NEBL: variants seen among roughly 807,000 people sequenced by gnomAD.
NEBL encodes the protein LIM and SH3 protein 2.
A neutral mutation model predicts 140.2 loss-of-function variants in NEBL; 122 were observed. The ratio of observed to expected loss-of-function variants is 0.87; its 90% CI spans 0.75 to 1.01. The LOEUF is 1.01. Among genes scored for constraint, NEBL ranks in the 50% least tolerant of loss-of-function variants. The probability of loss-of-function intolerance (pLI) is 0.00; values close to 1 mark genes in which losing one functional copy is unlikely to be tolerated. For synonymous variants in NEBL, 436 were observed against 398.9 expected, an observed-to-expected ratio of 1.09 and a Z score of -1.11; for missense variants, 1,365 against 1,231.3, an observed-to-expected ratio of 1.11 and a Z score of -1.62.
intron 1 of NEBL, among the ~76,000 whole-genome samples, chr10:21,258,214 G>A (rs563937594): frequency 6.6e-6 from 1 of 152,258 alleles, no homozygotes; most frequent in East Asian, 1.9e-4. Context: ...CTGGAGCCCA[G>A]ATGTTCACAA....
At position 21,027,964 on chromosome 10, in the gene NEBL, G is replaced by A. The variant is rs1222709149; in HGVS notation, c.165-7763C>T. Reference sequence around the variant, plus strand: ...AGGCCAAGTGCAGTGGCTCACACCTGTAATCCCAGCACTTTGGGAGGCCAA... The same window carrying A: ...AGGCCAAGTGCAGTGGCTCACACCTATAATCCCAGCACTTTGGGAGGCCAA... On this transcript the variant is annotated intron_variant, in intron 2 of 6. Coordinates refer to the NEBL transcript ENST00000417816. Among the ~76,000 whole-genome samples the A allele has an allele frequency of 3.3e-5, 5 of 152,138 alleles. No individual in the cohort carries two copies. The South Asian group carries it at 6.2e-4, about 19-fold the overall frequency.
rs1279132948 is a variant in NEBL, at chr10:20,784,478, A to G, written c.*1269T>C. ...ATGACATTCCTGTTTCATTCCCTTA[A>G]AAATGATTTAGAAAATAAAAGCAAA... On this transcript the variant is annotated 3_prime_UTR_variant, in exon 28 of 28. Transcript: ENST00000377122. 6.6e-6 allele frequency: 1 copy of G among 152,188 alleles called. No homozygotes were observed. The highest frequency in any genetic ancestry group is 1.5e-5 in the Non-Finnish European group (1 of 68,038). 9.4% of individuals were successfully genotyped at this position (152,188 alleles called of 1,614,324 possible).
At chr10:20,892,063 C>T (rs889062168) in intron 2 of NEBL, among the ~76,000 whole-genome samples, 1 of 152,162 alleles carries the variant, frequency 6.6e-6, no homozygotes, top group African/African-American at 2.4e-5. Context: ...CTTACAATTT[C>T]GGGTTGACAC....
chr10:20,905,493 T>A (rs907491761), intron 4 of NEBL, among the ~76,000 whole-genome samples: 9 of 152,096 alleles, frequency 5.9e-5, no homozygotes, highest in African/African-American at 2.2e-4. Flanking sequence ...TCAGATCTCA[T>A]GAGAACTCAC....
chr10:21,045,636 A>C (rs1834475725), intron 2 of NEBL, among the ~76,000 whole-genome samples: 1 of 152,240 alleles, frequency 6.6e-6, no homozygotes, highest in African/African-American at 2.4e-5. Context: ...ATCACCAATC[A>C]TCAGGGAAAT....
chr10:21,003,682 G>T (rs529652774), intron 3 of NEBL, among the ~76,000 whole-genome samples: 3 of 152,210 alleles, frequency 2.0e-5, no homozygotes, highest in East Asian at 3.9e-4. Context: ...AAGCTAAAAG[G>T]TTCTCAGGCA....
chr10:21,231,526 G>A lies in NEBL; in HGVS notation n.348+16395C>T, dbSNP rs976866641. ...TGCACTCCAGCCTGGGCAACAGAGC[G>A]AGACTCTGTCTCAAAAAAAAACAAG... On this transcript the variant is annotated intron_variant and non_coding_transcript_variant, in intron 3 of 8. Transcript: ENST00000675702. Among the ~76,000 whole-genome samples, 6 of 151,614 alleles carry A rather than the reference G, an allele frequency of 4.0e-5. No individual in the cohort carries two copies. The East Asian group carries it at 5.8e-4, about 15-fold the overall frequency.
chr10:20,984,930 A>C (rs1387385900), intron 3 of NEBL, among the ~76,000 whole-genome samples: 4 of 152,104 alleles, frequency 2.6e-5, no homozygotes, highest in African/African-American at 7.2e-5. Flanking sequence ...CCTATTGTGA[A>C]CTGCACGTGT....
chr10:21,015,424 A>G (rs572648553), intron 3 of NEBL, among the ~76,000 whole-genome samples: 2 of 152,346 alleles, frequency 1.3e-5, no homozygotes, highest in African/African-American at 4.8e-5. Flanking sequence ...CCCTTCCAAT[A>G]AGAGTGTGCT....
intron 2 of NEBL, among the ~76,000 whole-genome samples, chr10:20,890,199 G>C (rs1448895672): frequency 6.6e-6 from 1 of 152,142 alleles, no homozygotes; most frequent in Non-Finnish European, 1.5e-5. Flanking sequence ...CAGGCGTGCT[G>C]GCTACGGGTG....
At chr10:21,251,688 G>A (rs1418987727) in intron 2 of NEBL, among the ~76,000 whole-genome samples, 3 of 151,960 alleles carry the variant, frequency 2.0e-5, no homozygotes, top group East Asian at 3.9e-4. Context: ...TCTCATGAAC[G>A]GGATTAACAC....
At chr10:21,130,462 A>G (rs1236075472) in intron 2 of NEBL, among the ~76,000 whole-genome samples, 2 of 152,178 alleles carry the variant, frequency 1.3e-5, no homozygotes, top group African/African-American at 4.8e-5. Context: ...CTCTTTTCAA[A>G]CCCACATGAG....
intron 2 of NEBL, among the ~76,000 whole-genome samples, chr10:21,043,432 T>C (rs1834357941): frequency 6.6e-6 from 1 of 152,244 alleles, no homozygotes; most frequent in East Asian, 1.9e-4. Flanking sequence ...ATTAGCTCTT[T>C]TCCTTGAATG....
At chr10:21,100,220 T>G (rs550163112) in intron 2 of NEBL, among the ~76,000 whole-genome samples, 1 of 152,194 alleles carries the variant, frequency 6.6e-6, no homozygotes, top group South Asian at 2.1e-4. Context: ...GAGCATTTAC[T>G]AAGCGTGTGT....
intron 3 of NEBL, among the ~76,000 whole-genome samples, chr10:21,205,253 C>T (rs887364824): frequency 2.6e-5 from 4 of 152,196 alleles, no homozygotes; most frequent in African/African-American, 9.7e-5. Flanking sequence ...AAATGTGTAG[C>T]AAAAGCCTTA....
chr10:20,798,916 TATGAC>T (rs1388968001), intron 26 of NEBL, among the ~76,000 whole-genome samples: 2 of 152,164 alleles, frequency 1.3e-5, no homozygotes, highest in Non-Finnish European at 2.9e-5. Context: ...AAAGAAAACG[TATGAC>T]ATTTCTTTCA....
intron 3 of NEBL, among the ~76,000 whole-genome samples, chr10:21,188,056 A>G (rs1011136511): frequency 1.2e-4 from 18 of 152,054 alleles, no homozygotes; most frequent in East Asian, 3.9e-4. Context: ...TCCTACCCCA[A>G]TACCAGTTAT....
At chr10:21,028,251 A>AG (rs1554819362) in intron 2 of NEBL, among the ~76,000 whole-genome samples, 5 of 36,860 alleles carry the variant, frequency 1.4e-4, no homozygotes, top group East Asian at 2.0e-3. Context: ...AAAAAAAAAA[A>AG]AAAAAGAAGA....
chr10:20,791,710 G>A (rs555083794), intron 26 of NEBL, among the ~76,000 whole-genome samples: 57 of 152,072 alleles, frequency 3.7e-4, no homozygotes, highest in Non-Finnish European at 7.2e-4. Flanking sequence ...ATGTTAAGAG[G>A]CTCACCAAAT....
Sources: allele counts gnomAD v4.1 joint callset (sites outside exome capture counted in the v4.1 genomes callset), GRCh38; gene constraint gnomAD v4.1.1; transcripts MANE v1.5; gene names NCBI Gene and HGNC (gene_info 2026-07-23, HGNC 2026-07-21).